The following ADGRB3 variants were observed in gnomAD, a reference collection of about 807,000 sequenced individuals.
The protein encoded by ADGRB3 is adhesion G protein-coupled receptor B3, also known as brain-specific angiogenesis inhibitor 3.
In ADGRB3, 37 loss-of-function variants were observed where a neutral mutation model predicts 193.4. That is an observed-to-expected ratio of 0.19 (90% CI 0.15 to 0.25). The LOEUF is 0.25. ADGRB3 is among the 10% of genes least tolerant of loss of function. The pLI, the probability that ADGRB3 is intolerant of heterozygous loss-of-function variation, is 1.00. For synonymous variants in ADGRB3, 690 were observed against 644.2 expected, an observed-to-expected ratio of 1.07 and a Z score of -1.08; for missense variants, 1,637 against 1,852.9, an observed-to-expected ratio of 0.88 and a Z score of 2.14.
At chr6:68,747,662 A>T (rs1766110586) in intron 3 of ADGRB3, among the ~76,000 whole-genome samples, 2 of 152,312 alleles carry the variant, frequency 1.3e-5, no homozygotes, top group South Asian at 4.1e-4. Context: ...AAGAAGATTG[A>T]TATGAAAGTG....
chr6:68,972,504 A>G (rs547587704), intron 8 of ADGRB3, among the ~76,000 whole-genome samples: 5 of 152,154 alleles, frequency 3.3e-5, no homozygotes, highest in Non-Finnish European at 7.3e-5. Context: ...TCTGGATTCA[A>G]TATGTAATAA....
intron 22 of ADGRB3, 58 bp downstream of exon 22, chr6:69,327,947 T>G (rs1582634767): frequency 6.7e-7 from 1 of 1,487,872 alleles, no homozygotes; most frequent in East Asian, 2.4e-5. Flanking sequence ...TCAAAGAGTC[T>G]TGGTTGGCAC....
chr6:69,195,357 T>C (rs984088600), intron 17 of ADGRB3, among the ~76,000 whole-genome samples: 4 of 151,776 alleles, frequency 2.6e-5, no homozygotes. Flanking sequence ...TAGTGGACCC[T>C]ATTTCTACAA....
At chr6:68,872,923 A>T (rs2150220668) in intron 3 of ADGRB3, among the ~76,000 whole-genome samples, 1 of 152,250 alleles carries the variant, frequency 6.6e-6, no homozygotes, top group Non-Finnish European at 1.5e-5. Context: ...AAGCTCAAAC[A>T]CTCTAGGACC....
intron 3 of ADGRB3, among the ~76,000 whole-genome samples, chr6:68,841,946 G>C (rs1589733): frequency 0.55 from 83,825 of 151,832 alleles, 24,244 homozygotes; most frequent in Middle Eastern, 0.76. Flanking sequence ...ATGACACCTA[G>C]TATTTTAGCA....
Position 69,075,874 on chromosome 6 carries a change from A to T in ADGRB3, c.2437-121A>T. The T allele has an allele frequency of 4.1e-6, 3 of 724,996 alleles. No homozygotes were observed. The South Asian group carries it at 5.7e-5, about 14-fold the overall frequency. 44.9% of individuals were successfully genotyped at this position (724,996 alleles called of 1,614,324 possible). A position where few individuals can be genotyped will look rare whatever the true frequency, so the allele number is the denominator to read the frequency against. On this transcript the variant is annotated intron_variant, in intron 16 of 31. Transcript: ENST00000370598. ...TCTTATAAATAATTAAAAAGAAATCATTAAAGTATTTCTTACCACAAGATA... is the reference window on the plus strand; with the variant it reads ...TCTTATAAATAATTAAAAAGAAATCTTTAAAGTATTTCTTACCACAAGATA...
intron 3 of ADGRB3, among the ~76,000 whole-genome samples, chr6:68,854,362 A>G (rs1764897077): frequency 6.6e-6 from 1 of 152,162 alleles, no homozygotes; most frequent in Non-Finnish European, 1.5e-5. Context: ...ATTGTATTTT[A>G]GAGAAATGCT....
intron 17 of ADGRB3, among the ~76,000 whole-genome samples, chr6:69,190,129 T>C (rs1017092824): frequency 6.6e-6 from 1 of 152,166 alleles, no homozygotes; most frequent in Non-Finnish European, 1.5e-5. Flanking sequence ...TTGTACTGTT[T>C]ATCATTATTT....
At chr6:68,995,345 C>G (rs1769354570) in intron 11 of ADGRB3, among the ~76,000 whole-genome samples, 1 of 152,172 alleles carries the variant, frequency 6.6e-6, no homozygotes, top group Admixed American at 6.5e-5. Flanking sequence ...ACTCTGTTCA[C>G]AGTTGAAACA....
intron 3 of ADGRB3, among the ~76,000 whole-genome samples, chr6:68,661,236 A>G (rs184647696): frequency 2.0e-3 from 291 of 148,116 alleles, no homozygotes; most frequent in Non-Finnish European, 3.6e-3. Flanking sequence ...CAAAATGAGA[A>G]GATTATTTAA....
chr6:68,839,714 C>CA (rs1003177695), intron 3 of ADGRB3, among the ~76,000 whole-genome samples: 26 of 152,134 alleles, frequency 1.7e-4, no homozygotes, highest in South Asian at 6.2e-4. Flanking sequence ...CCTATTTACA[C>CA]AAAAAAGAGC....
chr6:69,222,093 G>T (rs1026101563), intron 17 of ADGRB3, among the ~76,000 whole-genome samples: 1 of 151,824 alleles, frequency 6.6e-6, no homozygotes, highest in Non-Finnish European at 1.5e-5. Flanking sequence ...TCCAAATCTG[G>T]GCTCAGGTAT....
chr6:68,974,406 C>G (rs1768679143), intron 8 of ADGRB3, among the ~76,000 whole-genome samples: 1 of 152,076 alleles, frequency 6.6e-6, no homozygotes, highest in Non-Finnish European at 1.5e-5. Flanking sequence ...TTCTATAATC[C>G]TGGCACTTTG....
At chr6:68,756,517 T>TGATAAATAG (rs2127349283) in intron 3 of ADGRB3, among the ~76,000 whole-genome samples, 1 of 152,286 alleles carries the variant, frequency 6.6e-6, no homozygotes, top group African/African-American at 2.4e-5. Flanking sequence ...GCTTCTTATT[T>TGATAAATAG]TTGAAAATCT....
At position 69,235,054 on chromosome 6, in the gene ADGRB3, C is replaced by T. The variant is rs1198594350; in HGVS notation, c.2630C>T (p.Pro877Leu). 1 of 1,612,520 alleles carries T rather than the reference C, an allele frequency of 6.2e-7. No individual in the cohort carries two copies. Among genetic ancestry groups the T allele is most frequent in the Admixed American group, 1.7e-5 (1 of 59,950 alleles). Residue 877 changes from proline (P) to leucine (L), a missense_variant, in exon 19 of 32, where the codon CCT (proline) becomes CTT (leucine). Around this residue, in one of 7 missense-constraint regions of ADGRB3, gnomAD observed 641 missense variants for 673.9 expected, o/e 0.95. Coordinates refer to ENST00000370598, the MANE Select transcript of ADGRB3 (RefSeq NM_001704.3). ...REIIMESSGT[P>L]SVTLIVGSGL... Reference sequence around the variant, plus strand: ...CAGATCATGGAATCCTCTGGCACACCTTCAGTTACCCTAATAGTAGGCAGT... The same window carrying T: ...CAGATCATGGAATCCTCTGGCACACTTTCAGTTACCCTAATAGTAGGCAGT...
At chr6:68,701,756 A>C (rs1765246651) in intron 3 of ADGRB3, among the ~76,000 whole-genome samples, 1 of 152,124 alleles carries the variant, frequency 6.6e-6, no homozygotes, top group South Asian at 2.1e-4. Context: ...AAACATTTAA[A>C]TTGGCTCTTC....
At chr6:68,706,927 C>T (rs1041580151) in intron 3 of ADGRB3, among the ~76,000 whole-genome samples, 4 of 151,870 alleles carry the variant, frequency 2.6e-5, no homozygotes, top group Non-Finnish European at 5.9e-5. Context: ...CTGGCTAACA[C>T]AGCGAAACCC....
intron 3 of ADGRB3, among the ~76,000 whole-genome samples, chr6:68,909,196 A>C (rs1031539051): frequency 2.6e-5 from 4 of 152,224 alleles, no homozygotes; most frequent in Non-Finnish European, 4.4e-5. Context: ...AAAACTTGGA[A>C]GATAATGTTA....
intron 10 of ADGRB3, among the ~76,000 whole-genome samples, chr6:68,981,000 T>A (rs1768893736): frequency 6.6e-6 from 1 of 151,522 alleles, no homozygotes; most frequent in South Asian, 2.1e-4. Context: ...TATTACTAAT[T>A]ATAACATTGA....
Sources: gnomAD v4.1 joint callset for allele counts (sites outside exome capture counted in the v4.1 genomes callset) on GRCh38, gnomAD v4.1.1 for gene constraint, gnomAD v4.1.1 regional missense constraint, MANE v1.5 for transcripts, NCBI Gene and HGNC (gene_info 2026-07-23, HGNC 2026-07-21) for gene names.